The following GMEB1 variants were observed in gnomAD, a reference collection of about 807,000 sequenced individuals.
The protein encoded by GMEB1 is glucocorticoid modulatory element-binding protein 1.
In GMEB1, 6 loss-of-function variants were observed where a neutral mutation model predicts 52.4. The observed-to-expected ratio is 0.11, with a 90% CI of 0.06 to 0.23. GMEB1 has a LOEUF of 0.23. Ranked by LOEUF, GMEB1 falls within the 10% of genes least tolerant of loss-of-function variation. The pLI is 1.00. For missense variants in GMEB1, 486 were observed against 685.6 expected (o/e 0.71, Z 3.25); for synonymous variants, 255 against 244.9 (o/e 1.04, Z -0.38).
chr1:28,683,870 G>A lies in GMEB1; in HGVS notation c.128+130G>A, dbSNP rs1044193680. 6 of 799,750 alleles carry A rather than the reference G, an allele frequency of 7.5e-6. No individual in the cohort carries two copies. The Admixed American group carries it at 8.8e-5, about 12-fold the overall frequency. 49.5% of individuals were successfully genotyped at this position (799,750 alleles called of 1,614,324 possible). On this transcript the variant is annotated intron_variant, in intron 2 of 9. Coordinates refer to ENST00000373816, the MANE Select transcript of GMEB1 (RefSeq NM_001319674.2). ...ATCAGAGCTGGCTCAGTTTTCATCT[G>A]TATAATATACTGTATTGCGTGCTGT...
At chr1:28,690,585 C>A (rs1423482065) in intron 3 of GMEB1, among the ~76,000 whole-genome samples, 1 of 152,080 alleles carries the variant, frequency 6.6e-6, no homozygotes, top group Non-Finnish European at 1.5e-5. Flanking sequence ...TAGTTTAAAT[C>A]CCAATTTCTC....
chr1:28,676,743 A>G, intron 1 of GMEB1, among the ~76,000 whole-genome samples: 1 of 150,960 alleles, frequency 6.6e-6, no homozygotes, highest in East Asian at 2.0e-4. Flanking sequence ...ATAAATAAAT[A>G]AATAAATACA....
At chr1:28,713,728 T>G (rs1431026561) in intron 9 of GMEB1, among the ~76,000 whole-genome samples, 1 of 152,124 alleles carries the variant, frequency 6.6e-6, no homozygotes, top group African/African-American at 2.4e-5. Context: ...TTGTAGCTCC[T>G]TTGTAGGTGC....
chr1:28,697,159 GTACATATATATATATA>G, intron 6 of GMEB1, 75 bp downstream of exon 6: 1 of 190,294 alleles, frequency 5.3e-6, no homozygotes, highest in Non-Finnish European at 8.9e-6. Flanking sequence ...TCCCTTGTGT[GTACATATATATATATA>G]TATATATATA....
chr1:28,710,679 T>C, intron 9 of GMEB1, 37 bp downstream of exon 9: 1 of 1,396,356 alleles, frequency 7.2e-7, no homozygotes, highest in Non-Finnish European at 9.4e-7. Context: ...GGTGATATCA[T>C]GCTAATATTC....
intron 7 of GMEB1, among the ~76,000 whole-genome samples, chr1:28,703,023 C>CA (rs372649481): frequency 6.7e-6 from 1 of 149,904 alleles, no homozygotes; most frequent in Admixed American, 6.6e-5. Context: ...TCTCAAAAAA[C>CA]AAAAAACAAA....
chr1:28,676,722 C>G (rs953336144), intron 1 of GMEB1, among the ~76,000 whole-genome samples: 5 of 122,954 alleles, frequency 4.1e-5, no homozygotes, highest in Middle Eastern at 7.9e-3. Flanking sequence ...AAGACTCCGT[C>G]TCAAAAAAAA....
At chr1:28,671,144 C>T (rs971602333) in intron 1 of GMEB1, among the ~76,000 whole-genome samples, 1 of 152,134 alleles carries the variant, frequency 6.6e-6, no homozygotes, top group African/African-American at 2.4e-5. Context: ...ATGGATCACC[C>T]ACTGAATGCA....
chr1:28,701,356 G>A (rs919875418), intron 6 of GMEB1, among the ~76,000 whole-genome samples: 7 of 136,688 alleles, frequency 5.1e-5, no homozygotes, highest in South Asian at 2.6e-4. Context: ...TGCAAGCTCC[G>A]CCTCCCGGGT....
Position 28,697,062 on chromosome 1 carries a change from G to A in GMEB1, c.576G>A (p.Val192=), listed in dbSNP as rs1248866125. ...TGCCAGGACAGCAGACAAGTGTGGT[G>A]CAGACACCCACTTCGGCTGATGGTA... ...APVPGQQTSV[V]QTPTSADGSI... is the part of the protein sequence containing the mutation. Residue 192 remains valine, a synonymous_variant, in exon 6 of 10, where the codon GTG becomes GTA. Coordinates refer to ENST00000373816, the MANE Select transcript of GMEB1 (RefSeq NM_001319674.2). 6.2e-7 allele frequency: 1 copy of A among 1,608,214 alleles called. No individual in the cohort carries two copies. The highest frequency in any genetic ancestry group is 1.3e-5 in the African/African-American group (1 of 74,364).
intron 9 of GMEB1, among the ~76,000 whole-genome samples, chr1:28,713,552 T>A (rs1323538829): frequency 6.6e-6 from 1 of 152,342 alleles, no homozygotes; most frequent in South Asian, 2.1e-4. Context: ...CTCTTTTAGT[T>A]CTGTAATTTT....
In GMEB1 at chr1:28,692,944, C is replaced by T; in HGVS notation, c.339C>T (p.Phe113=). The T allele has an allele frequency of 6.3e-7, 1 of 1,577,308 alleles. No individual in the cohort carries two copies. The highest frequency in any genetic ancestry group is 8.7e-7 in the Non-Finnish European group (1 of 1,155,826). The part of the protein sequence containing the change: ...CPGINVKCVK[F]NDQLISPKHF... ...TGGACTTTTCTTTTTACTTTTAGTTCAATGATCAGTTGATCAGCCCCAAGC... is the reference window on the plus strand; with the variant it reads ...TGGACTTTTCTTTTTACTTTTAGTTTAATGATCAGTTGATCAGCCCCAAGC... The change falls in exon 5 of 10, where the codon TTC becomes TTT. Residue 113 remains phenylalanine, a splice_region_variant and synonymous_variant. Transcript: ENST00000373816.
chr1:28,683,598 G>A lies in GMEB1; in HGVS notation c.-15G>A, dbSNP rs749449960. 5 of 1,593,464 alleles carry A rather than the reference G, an allele frequency of 3.1e-6. No homozygotes were observed. The Admixed American group carries it at 9.1e-5, about 29-fold the overall frequency. On this transcript the variant is annotated 5_prime_UTR_variant, in exon 2 of 10. Transcript: ENST00000373816. ...TTCCCGACAGCAGTCCCAGCTATCT[G>A]ACTTCATGTGAAAGATGGCTAATGC...
chr1:28,695,478 C>T (rs1369920998), intron 5 of GMEB1, among the ~76,000 whole-genome samples: 1 of 151,640 alleles, frequency 6.6e-6, no homozygotes, highest in African/African-American at 2.4e-5. Flanking sequence ...GTGATCCACC[C>T]GCCTTGGCCT....
At chr1:28,671,786 A>G (rs1422132324) in intron 1 of GMEB1, among the ~76,000 whole-genome samples, 2 of 151,812 alleles carry the variant, frequency 1.3e-5, no homozygotes, top group Non-Finnish European at 2.9e-5. Context: ...TAAAACGACT[A>G]CACAGTCTTC....
chr1:28,690,199 T>C lies in GMEB1; in HGVS notation c.211+13T>C. On this transcript the variant is annotated intron_variant, in intron 3 of 9. Transcript: ENST00000373816. The stretch of plus-strand genomic sequence containing the variant: ...GAAGAAGGGATTGGTAAGGGTTTTT[T>C]TGTGTTTTTTTTTTTTTTTTTTTTT... The C allele has an allele frequency of 8.4e-7, 1 of 1,183,450 alleles. No homozygotes were observed. Among genetic ancestry groups the C allele is most frequent in the Non-Finnish European group, 1.2e-6 (1 of 833,058 alleles). 73.3% of individuals were successfully genotyped at this position (1,183,450 alleles called of 1,614,324 possible).
chr1:28,690,258 G>T, intron 3 of GMEB1, 72 bp downstream of exon 3: 1 of 694,526 alleles, frequency 1.4e-6, no homozygotes. Context: ...AGCTTCCTTG[G>T]TTGAGTTTTC....
intron 3 of GMEB1, 25 bp downstream of exon 3, chr1:28,690,211 T>TG (rs746400356): frequency 4.9e-5 from 52 of 1,070,892 alleles, no homozygotes; most frequent in South Asian, 3.0e-4. Flanking sequence ...GTGTTTTTTT[T>TG]TTTTTTTTTT....
Position 28,683,732 on chromosome 1 carries a change from G to T in GMEB1, c.120G>T (p.Val40=). The change falls in exon 2 of 10, where the codon GTG becomes GTT. Residue 40 remains valine, a synonymous_variant. Coordinates refer to ENST00000373816, the MANE Select transcript of GMEB1 (RefSeq NM_001319674.2). ...AAGTGATTTTGCAGTTACAGCCTGTGCAACAAGGGTAAGTGGCTAGAGATT... is the reference window on the plus strand; with the variant it reads ...AAGTGATTTTGCAGTTACAGCCTGTTCAACAAGGGTAAGTGGCTAGAGATT... ...KTQVILQLQP[V]QQGIYEAGSE... 6.2e-7 allele frequency: 1 copy of T among 1,612,526 alleles called. No homozygotes were observed. The highest frequency in any genetic ancestry group is 8.5e-7 in the Non-Finnish European group (1 of 1,179,430).
Sources: allele counts gnomAD v4.1 joint callset (sites outside exome capture counted in the v4.1 genomes callset), GRCh38; gene constraint gnomAD v4.1.1; transcripts MANE v1.5; gene names NCBI Gene and HGNC (gene_info 2026-07-23, HGNC 2026-07-21).